MARVELD2: variants seen among roughly 807,000 people sequenced by gnomAD.
MARVELD2 encodes MARVEL domain containing 2.
A neutral mutation model predicts 57.6 loss-of-function variants in MARVELD2; 49 were observed. The ratio of observed to expected loss-of-function variants is 0.85; its 90% CI spans 0.68 to 1.08. The LOEUF is 1.08. MARVELD2 is among the 50% of genes least tolerant of loss of function. The pLI is 0.00. For synonymous variants in MARVELD2, 238 were observed against 258.8 expected (o/e 0.92, Z 0.77); for missense variants, 606 against 701.1 (o/e 0.86, Z 1.53).
intron 3 of MARVELD2, among the ~76,000 whole-genome samples, chr5:69,428,753 T>G (rs1486187700): frequency 1.3e-5 from 2 of 152,170 alleles, no homozygotes; most frequent in Non-Finnish European, 2.9e-5. Flanking sequence ...GGACTGCTGC[T>G]GAGATCCAGA....
At position 69,419,466 on chromosome 5, in the gene MARVELD2, C is replaced by G; in HGVS notation, c.81C>G (p.Thr27=). 13 of 1,614,172 alleles carry G rather than the reference C, an allele frequency of 8.1e-6. No individual in the cohort carries two copies. Among genetic ancestry groups the G allele is most frequent in the Non-Finnish European group, 1.1e-5 (13 of 1,180,032 alleles). Residue 27 remains threonine (T), a synonymous_variant, in exon 2 of 7, where the codon ACC becomes ACG. Transcript: ENST00000325631. ...VPSDLPYQDT[T]IRTHPTLHDS... is the part of the protein sequence containing the mutation. ...GCGACCTGCCCTATCAAGATACCAC[C>G]ATAAGAACCCACCCAACTCTTCATG...
chr5:69,417,216 A>T (rs1766457745), intron 1 of MARVELD2, among the ~76,000 whole-genome samples: 1 of 152,204 alleles, frequency 6.6e-6, no homozygotes, highest in African/African-American at 2.4e-5. Flanking sequence ...TTCTCTGTGA[A>T]GATTTCCCTG....
intron 2 of MARVELD2, among the ~76,000 whole-genome samples, chr5:69,423,058 C>T: frequency 6.6e-6 from 1 of 151,928 alleles, no homozygotes. Flanking sequence ...CCACCATGCC[C>T]AGCTAATTTT....
intron 5 of MARVELD2, among the ~76,000 whole-genome samples, chr5:69,437,066 G>A (rs1767166863): frequency 6.6e-6 from 1 of 151,816 alleles, no homozygotes; most frequent in Non-Finnish European, 1.5e-5. Context: ...GTGTGTGCCT[G>A]TAATTCCAGC....
At chr5:69,425,689 T>C (rs1766768459) in intron 3 of MARVELD2, among the ~76,000 whole-genome samples, 1 of 151,476 alleles carries the variant, frequency 6.6e-6, no homozygotes, top group African/African-American at 2.4e-5. Flanking sequence ...CCAAATTTTT[T>C]ACTACACTCA....
rs1461290249 is a variant in MARVELD2, at chr5:69,440,500, T to C, written c.1554T>C (p.Asn518=). ...RIHEEFKKKK[N]DPTFLEKKER... is the part of the protein sequence containing the mutation. The stretch of plus-strand genomic sequence containing the variant: ...ATGAAGAGTTTAAGAAAAAAAAGAA[T>C]GTGAGTAAAACAGTTTTCTTCAAAC... Residue 518 remains asparagine (N), a splice_region_variant and synonymous_variant, in exon 6 of 7, where the codon AAT becomes AAC. Transcript: ENST00000325631. 1.4e-6 allele frequency: 2 copies of C among 1,426,794 alleles called. No individual in the cohort carries two copies. Among genetic ancestry groups the C allele is most frequent in the East Asian group, 2.3e-5 (1 of 43,520 alleles). 88.4% of individuals were successfully genotyped at this position (1,426,794 alleles called of 1,614,324 possible). A position where few individuals can be genotyped will look rare whatever the true frequency, so the allele number is the denominator to read the frequency against.
intron 2 of MARVELD2, among the ~76,000 whole-genome samples, chr5:69,423,799 C>CTA (rs1766702924): frequency 6.6e-6 from 1 of 152,138 alleles, no homozygotes; most frequent in Non-Finnish European, 1.5e-5. Context: ...ATTTATCTTG[C>CTA]TAGAACTCTA....
At chr5:69,431,402 CG>C (rs1328850795) in intron 3 of MARVELD2, among the ~76,000 whole-genome samples, 1 of 152,132 alleles carries the variant, frequency 6.6e-6, no homozygotes, top group Non-Finnish European at 1.5e-5. Flanking sequence ...CATGAGCCAC[CG>C]TGCCCGGCCA....
In MARVELD2 at chr5:69,432,386, C is replaced by T. The variant is rs183747133; in HGVS notation, c.1183-141C>T. The T allele has an allele frequency of 4.5e-5, 40 of 897,742 alleles. No individual in the cohort carries two copies. In the Admixed American group the frequency reaches 5.5e-4, roughly 12 times the overall value. 55.6% of individuals were successfully genotyped at this position (897,742 alleles called of 1,614,324 possible). A position where few individuals can be genotyped will look rare whatever the true frequency, so the allele number is the denominator to read the frequency against. On this transcript the variant is annotated intron_variant, in intron 3 of 6. Transcript: ENST00000325631. ...GAACTCCTGGCCTCATGTGATCCTC[C>T]GGCTTTGTCCTCCCAAAGTGCTAGG... is the stretch of plus-strand genomic sequence containing the variant.
chr5:69,423,970 A>G (rs1580478328), intron 2 of MARVELD2, among the ~76,000 whole-genome samples: 1 of 152,204 alleles, frequency 6.6e-6, no homozygotes, highest in African/African-American at 2.4e-5. Flanking sequence ...AAAAAATGTT[A>G]ATTCTAATCA....
intron 5 of MARVELD2, among the ~76,000 whole-genome samples, chr5:69,433,971 G>A (rs113287810): frequency 3.3e-4 from 49 of 150,084 alleles, no homozygotes; most frequent in African/African-American, 1.1e-3. Flanking sequence ...AGTAAAATAC[G>A]AATTTGCCTA....
At chr5:69,431,073 G>A (rs1377950107) in intron 3 of MARVELD2, among the ~76,000 whole-genome samples, 4 of 148,990 alleles carry the variant, frequency 2.7e-5, no homozygotes, top group Non-Finnish European at 1.5e-5. Flanking sequence ...AGGCTTACAC[G>A]TGTAAGCCCC....
intron 3 of MARVELD2, 126 bp downstream of exon 3, chr5:69,424,762 C>T: frequency 2.6e-6 from 2 of 759,300 alleles, no homozygotes; most frequent in Non-Finnish European, 4.5e-6. Context: ...TGGTGGCTCA[C>T]ACCTGTAATC....
At chr5:69,422,283 C>T (rs1009677593) in intron 2 of MARVELD2, among the ~76,000 whole-genome samples, 4 of 152,138 alleles carry the variant, frequency 2.6e-5, no homozygotes, top group Admixed American at 6.6e-5. Flanking sequence ...GTGAGCTGGG[C>T]GGAACAGAGC....
At chr5:69,423,237 G>A (rs1438506394) in intron 2 of MARVELD2, among the ~76,000 whole-genome samples, 2 of 152,064 alleles carry the variant, frequency 1.3e-5, no homozygotes, top group Non-Finnish European at 2.9e-5. Context: ...GAAACAAATC[G>A]TTTTGTTGTC....
chr5:69,433,791 A>T (rs1044166159), intron 5 of MARVELD2: 1 of 152,446 alleles, frequency 6.6e-6, no homozygotes, highest in African/African-American at 2.4e-5. Flanking sequence ...ATTTATAACC[A>T]TTTACATCTG....
Position 69,443,989 on chromosome 5 carries a change from T to A in MARVELD2, c.*2335T>A, listed in dbSNP as rs1352306277. The A allele has an allele frequency of 3.1e-5, 1 of 32,524 alleles. No homozygotes were observed. The highest frequency in any genetic ancestry group is 7.3e-5 in the Non-Finnish European group (1 of 13,614). The allele number at this position is 32,524 out of a possible 1,614,324, so 2.0% of individuals were successfully genotyped here. ...TTGAGCCCTGTGTTAACATTTCACT[T>A]AAGAAGAGCACCAGTGCTTTAAAAA... On this transcript the variant is annotated 3_prime_UTR_variant, in exon 7 of 7. Transcript: ENST00000325631.
intron 1 of MARVELD2, 108 bp from the exon 2 acceptor site, chr5:69,419,263 A>C (rs1766520707): frequency 9.2e-7 from 1 of 1,081,520 alleles, no homozygotes; most frequent in Non-Finnish European, 1.4e-6. Context: ...ATAATTAGAC[A>C]TGATCCTGTT....
At position 69,432,546 on chromosome 5, in the gene MARVELD2, GT is replaced by G; in HGVS notation, c.1203del (p.Asp402ThrfsTer13). The G allele has an allele frequency of 6.2e-7, 1 of 1,614,144 alleles. No homozygotes were observed. The highest frequency in any genetic ancestry group is 8.5e-7 in the Non-Finnish European group (1 of 1,180,022). On this transcript the variant is annotated frameshift_variant, in exon 4 of 7. Coordinates refer to ENST00000325631, the MANE Select transcript of MARVELD2 (RefSeq NM_001038603.3). LOFTEE classifies it high-confidence loss of function. ...CTGCAGTGTGAAATGGCCACCAGTG[GT>G]GACAGACAAAGAGACTCAGAAGTTA... The part of the protein sequence containing the change: ...KRKMCEMATS[G>X]DRQRDSEVNF...
Sources: allele counts gnomAD v4.1 joint callset (sites outside exome capture counted in the v4.1 genomes callset), GRCh38; gene constraint gnomAD v4.1.1; transcripts MANE v1.5; gene names NCBI Gene and HGNC (gene_info 2026-07-23, HGNC 2026-07-21).